The following FBN2 variants were observed in gnomAD, a reference collection of about 807,000 sequenced individuals.
FBN2 encodes the protein fibrillin-2.
In FBN2, 105 loss-of-function variants were observed where a neutral mutation model predicts 355.6. That is an observed-to-expected ratio of 0.30 (90% CI 0.25 to 0.35). The LOEUF is 0.35. Ranked by LOEUF, FBN2 falls within the 10% of genes least tolerant of loss-of-function variation. FBN2 has a pLI of 1.00. For missense variants in FBN2, 3,280 were observed against 3,758.7 expected (o/e 0.87, Z 3.33); for synonymous variants, 1,350 against 1,301.2 (o/e 1.04, Z -0.81).
At chr5:128,444,131 G>A (rs1472041050) in intron 7 of FBN2, among the ~76,000 whole-genome samples, 1 of 138,550 alleles carries the variant, frequency 7.2e-6, no homozygotes, top group East Asian at 2.1e-4. Flanking sequence ...GGACTGCAGT[G>A]GCGCGATCTC....
rs138289440 is a variant in FBN2 at position 128,330,688 on chromosome 5, G to T, written c.4230C>A (p.Asp1410Glu). Residue 1410 changes from aspartate (D) to glutamate (E), a missense_variant, in exon 33 of 65, where the codon GAC becomes GAA. Physicochemically the swap from Asp to Glu is conservative, Grantham distance 45. Coordinates refer to ENST00000262464, the MANE Select transcript of FBN2 (RefSeq NM_001999.4). ...IGNGIKCIDLDECSNGTHQCS... is the reference protein window; with the variant it reads ...IGNGIKCIDLEECSNGTHQCS... ...ACTGGTGGGTTCCATTAGAACATTC[G>T]TCCAGATCTGCAGAACACAGCAATA... 1 of 1,613,802 alleles carries T rather than the reference G, an allele frequency of 6.2e-7. No homozygotes were observed. Among genetic ancestry groups the T allele is most frequent in the Non-Finnish European group, 8.5e-7 (1 of 1,179,776 alleles).
intron 7 of FBN2, among the ~76,000 whole-genome samples, chr5:128,430,777 G>A (rs113342537): frequency 0.11 from 16,534 of 151,900 alleles, 1,054 homozygotes; most frequent in African/African-American, 0.17. Flanking sequence ...CTGGGAGGCG[G>A]AGGCTGCAGT....
chr5:128,262,021 A>C, intron 63 of FBN2, 114 bp from the exon 64 acceptor site: 1 of 828,364 alleles, frequency 1.2e-6, no homozygotes, highest in African/African-American at 1.7e-5. Flanking sequence ...CACTAAACTC[A>C]TAAACATAAA....
intron 33 of FBN2, among the ~76,000 whole-genome samples, chr5:128,329,731 AATG>A (rs1445706090): frequency 2.6e-5 from 4 of 152,228 alleles, no homozygotes; most frequent in Non-Finnish European, 5.9e-5. Context: ...GGCATTTGAA[AATG>A]ATGAGGCTGC....
intron 53 of FBN2, 124 bp from the exon 54 acceptor site, chr5:128,287,554 T>A (rs1408582066): frequency 7.9e-6 from 8 of 1,007,064 alleles, no homozygotes; most frequent in African/African-American, 3.2e-5. Flanking sequence ...CTTACACATC[T>A]GGTACGCAGA....
intron 15 of FBN2, among the ~76,000 whole-genome samples, chr5:128,371,893 A>T (rs1751954677): frequency 6.6e-6 from 1 of 152,214 alleles, no homozygotes; most frequent in South Asian, 2.1e-4. Context: ...AGCAGATTCT[A>T]CATACCATGA....
intron 16 of FBN2, among the ~76,000 whole-genome samples, chr5:128,368,065 G>A (rs1751820846): frequency 6.6e-6 from 1 of 151,708 alleles, no homozygotes; most frequent in East Asian, 1.9e-4. Flanking sequence ...CCCCTTCTTT[G>A]AGGTCCTTCC....
rs146200573 is a variant in FBN2 at position 128,450,343 on chromosome 5, C to T, written c.827-3737G>A. On this transcript the variant is annotated intron_variant, in intron 6 of 64. Coordinates refer to ENST00000262464, the MANE Select transcript of FBN2 (RefSeq NM_001999.4). ...TTAAAATAATCCAAAATATGTTCTCCAAACACAACAGAGTTAAACTAGAAA... is the reference window on the plus strand; with the variant it reads ...TTAAAATAATCCAAAATATGTTCTCTAAACACAACAGAGTTAAACTAGAAA... Among the ~76,000 whole-genome samples the T allele has an allele frequency of 9.2e-5, 14 of 152,086 alleles. No individual in the cohort carries two copies. The East Asian group carries it at 2.7e-3, about 29-fold the overall frequency.
At chr5:128,278,510 T>A in intron 57 of FBN2, 125 bp downstream of exon 57, 3 of 784,934 alleles carry the variant, frequency 3.8e-6, no homozygotes, top group Non-Finnish European at 6.5e-6. Context: ...CAAATATAAA[T>A]ATCAAGGTAT....
intron 15 of FBN2, among the ~76,000 whole-genome samples, chr5:128,371,467 CTTCCTTCCT>C (rs1225267195): frequency 1.3e-5 from 2 of 150,042 alleles, no homozygotes; most frequent in African/African-American, 4.9e-5. Context: ...TCCTTCCTTC[CTTCCTTCCT>C]TTCCTTCCTT....
At chr5:128,490,104 C>T (rs1755460734) in intron 5 of FBN2, among the ~76,000 whole-genome samples, 1 of 152,120 alleles carries the variant, frequency 6.6e-6, no homozygotes, top group Non-Finnish European at 1.5e-5. Context: ...AACAATTTCC[C>T]ACTAATGATC....
In FBN2 at chr5:128,276,087, A is replaced by G; in HGVS notation, c.7545T>C (p.Cys2515=). Residue 2515 remains cysteine (C), a synonymous_variant, in exon 59 of 65, where the codon TGT becomes TGC. Coordinates refer to ENST00000262464, the MANE Select transcript of FBN2 (RefSeq NM_001999.4). ...ICKNTEGSYQ[C]SCPRGYVLQE... is the part of the protein sequence containing the mutation. ...GCAGGACATACCCCCTCGGACATGA[A>G]CACTGATAACTCCCCTCAGTGTTCT... The G allele has an allele frequency of 1.9e-6, 3 of 1,613,860 alleles. No individual in the cohort carries two copies. Among genetic ancestry groups the G allele is most frequent in the East Asian group, 4.5e-5 (2 of 44,848 alleles).
intron 64 of FBN2, 73 bp from the exon 65 acceptor site, chr5:128,259,902 G>A: frequency 2.6e-6 from 4 of 1,526,226 alleles, no homozygotes; most frequent in Middle Eastern, 1.8e-4. Context: ...GAGATCAGCT[G>A]CAGGGGCTTT....
chr5:128,288,301 A>T (rs28763929), intron 53 of FBN2, 137 bp downstream of exon 53: 8 of 946,074 alleles, frequency 8.5e-6, no homozygotes, highest in Non-Finnish European at 1.3e-5. Flanking sequence ...AACCAACCAA[A>T]CAAAAAACCC....
At chr5:128,287,997 G>C (rs187435749) in intron 53 of FBN2, among the ~76,000 whole-genome samples, 8 of 152,172 alleles carry the variant, frequency 5.3e-5, no homozygotes, top group African/African-American at 1.9e-4. Flanking sequence ...ATGAGCCACC[G>C]CCCTTCTGAG....
chr5:128,429,618 C>T (rs1400382904), intron 7 of FBN2, among the ~76,000 whole-genome samples: 1 of 152,074 alleles, frequency 6.6e-6, no homozygotes, highest in African/African-American at 2.4e-5. Context: ...TAACAATCTT[C>T]CACCTTCAAA....
Position 128,289,194 on chromosome 5 carries a change from G to A in FBN2, c.6570C>T (p.Thr2190=), listed in dbSNP as rs528290235. ...GICSNGQCIN[T]DGSFRCECPM... ...GACATTCACAGCGAAAAGATCCGTCGGTGTTGATACATTGACCATTTGAAC... is the reference window on the plus strand; with the variant it reads ...GACATTCACAGCGAAAAGATCCGTCAGTGTTGATACATTGACCATTTGAAC... The change falls in exon 52 of 65, where the codon ACC becomes ACT. Residue 2190 remains threonine, a synonymous_variant. Coordinates refer to ENST00000262464, the MANE Select transcript of FBN2 (RefSeq NM_001999.4). 2.4e-5 allele frequency: 38 copies of A among 1,613,420 alleles called. No homozygotes were observed. The highest frequency in any genetic ancestry group is 5.3e-5 in the African/African-American group (4 of 74,996).
chr5:128,283,547 C>T (rs1749044801), intron 55 of FBN2, among the ~76,000 whole-genome samples: 1 of 152,202 alleles, frequency 6.6e-6, no homozygotes, highest in Admixed American at 6.5e-5. Context: ...TTTTTAGTCT[C>T]TCTAAATATT....
intron 8 of FBN2, among the ~76,000 whole-genome samples, chr5:128,396,437 T>C (rs950242835): frequency 2.0e-5 from 3 of 152,096 alleles, no homozygotes; most frequent in Non-Finnish European, 4.4e-5. Context: ...AAACTAGATA[T>C]TGAGAGGCAA....
Sources: gnomAD v4.1 joint callset for allele counts (sites outside exome capture counted in the v4.1 genomes callset) on GRCh38, gnomAD v4.1.1 for gene constraint, MANE v1.5 for transcripts, NCBI Gene and HGNC (gene_info 2026-07-23, HGNC 2026-07-21) for gene names.